Variants in LPA observed in about 807,000 individuals in gnomAD.
LPA encodes apolipoprotein(a).
In LPA, 199 loss-of-function variants were observed where a neutral mutation model predicts 197.9. The observed-to-expected ratio is 1.01, with a 90% CI of 0.90 to 1.13. The LOEUF is 1.13. Ranked by LOEUF, LPA falls within the 50% of genes most tolerant of loss-of-function variation. LPA has a pLI of 0.00. For missense variants in LPA, 1,853 were observed against 1,785.8 expected, an observed-to-expected ratio of 1.04 and a Z score of -0.68; for synonymous variants, 715 against 639.5, an observed-to-expected ratio of 1.12 and a Z score of -1.78.
chr6:160,534,099 TGACA>T (rs1229519833), intron 37 of LPA, among the ~76,000 whole-genome samples: 4,518 of 152,278 alleles, frequency 0.03, 229 homozygotes, highest in African/African-American at 0.1. Flanking sequence ...GTCAGAAAAC[TGACA>T]CCGAATCTGG....
intron 23 of LPA, 142 bp from the exon 24 acceptor site, chr6:160,589,854 C>A (rs748765923): frequency 1.3e-5 from 12 of 927,340 alleles, no homozygotes; most frequent in Non-Finnish European, 2.1e-5. Context: ...GATGGACATG[C>A]CAATAACAAA....
chr6:160,588,067 A>G (rs1778948494), intron 24 of LPA, among the ~76,000 whole-genome samples: 1 of 151,934 alleles, frequency 6.6e-6, no homozygotes, highest in African/African-American at 2.4e-5. Context: ...GTGCATTTTA[A>G]ATGTTCTCAC....
Position 160,611,386 on chromosome 6 carries a change from C to A in LPA, c.2603+176G>T, listed in dbSNP as rs1337015252. Among the ~76,000 whole-genome samples, 3 of 152,056 alleles carry A rather than the reference C, an allele frequency of 2.0e-5. No individual in the cohort carries two copies. In the East Asian group the frequency reaches 5.8e-4, roughly 29 times the overall value. The stretch of plus-strand genomic sequence containing the variant: ...CAAAACTAGGAGGAAGGTGAGGCAG[C>A]TTAACATTTCTCTTCTCTCAGACCC... On this transcript the variant is annotated intron_variant, in intron 16 of 38. Transcript: ENST00000316300.
chr6:160,578,820 T>C, intron 26 of LPA, 116 bp from the exon 27 acceptor site: 1 of 1,433,102 alleles, frequency 7.0e-7, no homozygotes, highest in Non-Finnish European at 9.7e-7. Flanking sequence ...AATATTCCCA[T>C]TATACCACAA....
rs1308114169 is a variant in LPA at position 160,590,984 on chromosome 6, T to C, written c.3747A>G (p.Glu1249=). 1 of 1,614,046 alleles carries C rather than the reference T, an allele frequency of 6.2e-7. No homozygotes were observed. Among genetic ancestry groups the C allele is most frequent in the South Asian group, 1.1e-5 (1 of 91,082 alleles). The change falls in exon 23 of 39, where the codon GAA becomes GAG. Residue 1249 remains glutamate (E), a synonymous_variant. Coordinates refer to ENST00000316300, the MANE Select transcript of LPA (RefSeq NM_005577.4). ...YCNLTQCPVT[E]SSVLATSTAV... ...CCGTGGACGTCGCAAGGACACTTGA[T>C]TCTGTCACTGGACATTGTGTCAGGT...
intron 30 of LPA, among the ~76,000 whole-genome samples, chr6:160,552,427 G>T (rs1370083341): frequency 2.0e-5 from 3 of 152,118 alleles, no homozygotes; most frequent in African/African-American, 7.2e-5. Flanking sequence ...TTGTTTTCTA[G>T]TGCAAGGTGT....
At chr6:160,542,631 G>A (rs1777998912) in intron 34 of LPA, 57 bp downstream of exon 34, 3 of 1,610,030 alleles carry the variant, frequency 1.9e-6, no homozygotes, top group Non-Finnish European at 2.5e-6. Flanking sequence ...AATGTAGAAG[G>A]GTTTTGTGGG....
intron 16 of LPA, among the ~76,000 whole-genome samples, chr6:160,608,860 C>T (rs1195945332): frequency 1.3e-5 from 2 of 149,384 alleles, no homozygotes; most frequent in South Asian, 2.1e-4. Flanking sequence ...TGAGTTTTTG[C>T]GTGGGTGTGT....
intron 31 of LPA, 95 bp downstream of exon 31, chr6:160,548,383 C>T: frequency 1.6e-6 from 2 of 1,286,556 alleles, no homozygotes; most frequent in South Asian, 1.2e-5. Flanking sequence ...GCACTAAAGG[C>T]TTCTGCATCA....
At chr6:160,541,281 G>T in intron 34 of LPA, 100 bp from the exon 35 acceptor site, 1 of 885,600 alleles carries the variant, frequency 1.1e-6, no homozygotes, top group Non-Finnish European at 1.9e-6. Flanking sequence ...TTTTGATCAT[G>T]TTCATATTCC....
intron 23 of LPA, among the ~76,000 whole-genome samples, chr6:160,589,917 C>A (rs185607425): frequency 1.3e-5 from 2 of 152,320 alleles, no homozygotes; most frequent in Admixed American, 6.5e-5. Context: ...GAAAGATTTT[C>A]TTTAAAACCT....
Position 160,577,226 on chromosome 6 carries a change from G to T in LPA, c.4541C>A (p.Ser1514Tyr). 6.2e-7 allele frequency: 1 copy of T among 1,613,814 alleles called. No individual in the cohort carries two copies. Among genetic ancestry groups the T allele is most frequent in the South Asian group, 1.1e-5 (1 of 91,052 alleles). Reference protein sequence around the residue: ...HGDGRSYRGISSTTVTGRTCQ... With the variant: ...HGDGRSYRGIYSTTVTGRTCQ... Reference sequence around the variant, plus strand: ...GGTCCTTCCTGTGACAGTGGTGGAGGATATGCCTCGATAACTCCGTCCATC... The same window carrying T: ...GGTCCTTCCTGTGACAGTGGTGGAGTATATGCCTCGATAACTCCGTCCATC... The change falls in exon 28 of 39, where the codon TCC becomes TAC. Residue 1514 changes from serine (S) to tyrosine (Y), a missense_variant. This residue lies in a region of LPA where 1,737 missense variants were observed against 1,504.4 expected (regional missense o/e 1.15). Transcript: ENST00000316300.
chr6:160,606,751 C>T, intron 16 of LPA, 93 bp from the exon 17 acceptor site: 3 of 1,532,470 alleles, frequency 2.0e-6, no homozygotes, highest in Non-Finnish European at 2.7e-6. Context: ...AAGGTCATTA[C>T]CAGTGCCTTT....
chr6:160,663,704 G>C (rs557211132), intron 1 of LPA, among the ~76,000 whole-genome samples: 1 of 152,348 alleles, frequency 6.6e-6, no homozygotes, highest in South Asian at 2.1e-4. Flanking sequence ...ATAACAAAGA[G>C]AGAAATGCTG....
In LPA at chr6:160,576,338, GTGTA is replaced by G. The variant is rs1391643758; in HGVS notation, c.4631+794_4631+797del. Among the ~76,000 whole-genome samples, 78 of 17,832 alleles carry G rather than the reference GTGTA, an allele frequency of 4.4e-3. No individual in the cohort carries two copies. In the South Asian group the frequency reaches 0.18, roughly 42 times the overall value. The allele number at this position is 17,832 out of a possible 152,430, so 11.7% of individuals were successfully genotyped here. A position where few individuals can be genotyped will look rare whatever the true frequency, so the allele number is the denominator to read the frequency against. ...TGTATGTATGTGTGTGTGTGTGTGTGTGTATATATATATATATATATATATATAC... is the reference window on the plus strand; with the variant it reads ...TGTATGTATGTGTGTGTGTGTGTGTGTATATATATATATATATATATATAC... On this transcript the variant is annotated intron_variant, in intron 28 of 38. Coordinates refer to ENST00000316300, the MANE Select transcript of LPA (RefSeq NM_005577.4).
chr6:160,542,606 T>C, intron 34 of LPA, 82 bp downstream of exon 34: 1 of 1,599,168 alleles, frequency 6.3e-7, no homozygotes, highest in South Asian at 1.1e-5. Context: ...GCATCAGCTG[T>C]GTGGGTTCTG....
chr6:160,634,283 A>G (rs6941715), intron 7 of LPA, among the ~76,000 whole-genome samples: 21,648 of 83,746 alleles, frequency 0.26, 4,494 homozygotes, highest in African/African-American at 0.36. Context: ...TTGGCTGTCG[A>G]GGGCAGAGGA....
chr6:160,580,331 TTTTTA>T (rs1331627534), intron 26 of LPA, among the ~76,000 whole-genome samples: 2 of 140,402 alleles, frequency 1.4e-5, no homozygotes, highest in African/African-American at 3.3e-5. Flanking sequence ...ATTGAAATAG[TTTTTA>T]TTTTGAGTTT....
intron 28 of LPA, among the ~76,000 whole-genome samples, chr6:160,563,642 G>A (rs964584425): frequency 2.0e-5 from 3 of 151,068 alleles, no homozygotes; most frequent in Non-Finnish European, 4.5e-5. Context: ...CTGTCACGTC[G>A]ATCTAATATT....
Sources: gnomAD v4.1 joint callset for allele counts (sites outside exome capture counted in the v4.1 genomes callset) on GRCh38, gnomAD v4.1.1 for gene constraint, gnomAD v4.1.1 regional missense constraint, MANE v1.5 for transcripts, NCBI Gene and HGNC (gene_info 2026-07-23, HGNC 2026-07-21) for gene names.